DPP10: variants seen among roughly 807,000 people sequenced by gnomAD.
DPP10 encodes inactive dipeptidyl peptidase 10.
DPP10 carries 33 observed loss-of-function variants against 120.9 expected under a neutral mutation model. That is an observed-to-expected ratio of 0.27 (90% CI 0.21 to 0.37). The LOEUF is 0.37. DPP10 is among the 10% of genes least tolerant of loss of function. DPP10 has a pLI of 1.00. For synonymous variants in DPP10, 337 were observed against 326.1 expected (o/e 1.03, Z -0.36); for missense variants, 816 against 942.8 (o/e 0.87, Z 1.76).
intron 1 of DPP10, among the ~76,000 whole-genome samples, chr2:114,577,413 G>A (rs1690141453): frequency 6.6e-6 from 1 of 152,152 alleles, no homozygotes; most frequent in African/African-American, 2.4e-5. Context: ...GCAGAGTGGA[G>A]GTGGCCAGTA....
intron 1 of DPP10, among the ~76,000 whole-genome samples, chr2:115,103,797 T>C (rs1027145526): frequency 3.9e-5 from 6 of 152,234 alleles, no homozygotes; most frequent in Middle Eastern, 3.2e-3. Flanking sequence ...AACCATTTAA[T>C]ATATGAATAA....
At chr2:114,754,835 G>A (rs1679580949) in intron 1 of DPP10, among the ~76,000 whole-genome samples, 1 of 151,986 alleles carries the variant, frequency 6.6e-6, no homozygotes, top group Non-Finnish European at 1.5e-5. Flanking sequence ...AACCTGCATG[G>A]GATTTTGAAA....
intron 1 of DPP10, among the ~76,000 whole-genome samples, chr2:114,703,015 G>A (rs920375042): frequency 2.6e-5 from 4 of 152,112 alleles, no homozygotes; most frequent in Non-Finnish European, 5.9e-5. Context: ...GGGAAGAAGG[G>A]GAGGGGATAT....
intron 5 of DPP10, among the ~76,000 whole-genome samples, chr2:115,605,376 T>C (rs1263634510): frequency 6.6e-6 from 1 of 152,140 alleles, no homozygotes; most frequent in African/African-American, 2.4e-5. Flanking sequence ...CACCCCAGGC[T>C]ATCTCTGTAA....
chr2:115,738,173 G>A (rs925770711), intron 8 of DPP10, among the ~76,000 whole-genome samples: 2 of 152,100 alleles, frequency 1.3e-5, no homozygotes, highest in African/African-American at 4.8e-5. Flanking sequence ...AAGAGCAAAT[G>A]GAGTTGAGCC....
chr2:115,809,254 G>A (rs1208392326), intron 19 of DPP10, among the ~76,000 whole-genome samples: 1 of 152,126 alleles, frequency 6.6e-6, no homozygotes, highest in Admixed American at 6.5e-5. Context: ...CCAATATGTG[G>A]ATCTATGTGT....
intron 1 of DPP10, among the ~76,000 whole-genome samples, chr2:115,101,639 A>C (rs1256266243): frequency 6.6e-6 from 1 of 152,244 alleles, no homozygotes; most frequent in Non-Finnish European, 1.5e-5. Context: ...AGTATTCTCA[A>C]GTGTGAAACA....
intron 1 of DPP10, among the ~76,000 whole-genome samples, chr2:114,635,817 T>A (rs945010839): frequency 2.6e-5 from 4 of 151,974 alleles, no homozygotes; most frequent in Non-Finnish European, 5.9e-5. Context: ...TTATTTAAAA[T>A]AGCAACAATA....
intron 1 of DPP10, among the ~76,000 whole-genome samples, chr2:114,565,124 G>A (rs1558886014): frequency 6.6e-6 from 1 of 152,126 alleles, no homozygotes; most frequent in Non-Finnish European, 1.5e-5. Context: ...ATGGCTGTGA[G>A]CCTCTGGTTC....
intron 1 of DPP10, among the ~76,000 whole-genome samples, chr2:114,732,765 T>G (rs1426254020): frequency 1.3e-5 from 2 of 152,216 alleles, no homozygotes; most frequent in Non-Finnish European, 2.9e-5. Flanking sequence ...GATAGTATAC[T>G]CTTACTATAT....
intron 3 of DPP10, among the ~76,000 whole-genome samples, chr2:115,391,249 T>A (rs1166823205): frequency 1.3e-5 from 2 of 152,152 alleles, no homozygotes; most frequent in Non-Finnish European, 2.9e-5. Flanking sequence ...GAATGATGAT[T>A]AACAACAGGA....
intron 1 of DPP10, among the ~76,000 whole-genome samples, chr2:114,971,631 C>T (rs1233790475): frequency 5.9e-5 from 9 of 151,734 alleles, no homozygotes; most frequent in African/African-American, 9.7e-5. Flanking sequence ...AGTAAAAGAG[C>T]GAAAGTAGAC....
At chr2:115,379,291 G>T (rs1426361777) in intron 3 of DPP10, among the ~76,000 whole-genome samples, 1 of 152,192 alleles carries the variant, frequency 6.6e-6, no homozygotes, top group Non-Finnish European at 1.5e-5. Flanking sequence ...GAGAGTGTAT[G>T]TGTCGAGGAA....
chr2:114,937,223 G>A (rs772079429), intron 1 of DPP10, among the ~76,000 whole-genome samples: 1 of 152,096 alleles, frequency 6.6e-6, no homozygotes, highest in Non-Finnish European at 1.5e-5. Flanking sequence ...ATGGTTTCAG[G>A]TCTTAGATTT....
At chr2:115,256,888 G>A (rs2059025203) in intron 1 of DPP10, among the ~76,000 whole-genome samples, 1 of 152,142 alleles carries the variant, frequency 6.6e-6, no homozygotes, top group Middle Eastern at 3.2e-3. Context: ...GCCACATCTT[G>A]TACACGTGGC....
At chr2:115,590,545 A>G (rs961424546) in intron 5 of DPP10, among the ~76,000 whole-genome samples, 1 of 152,074 alleles carries the variant, frequency 6.6e-6, no homozygotes, top group Non-Finnish European at 1.5e-5. Context: ...TATGTGCCAC[A>G]TTTTCTTAAT....
chr2:115,319,168 T>G (rs1465563631), intron 2 of DPP10, among the ~76,000 whole-genome samples: 1 of 152,146 alleles, frequency 6.6e-6, no homozygotes, highest in Non-Finnish European at 1.5e-5. Context: ...TCATTTGTTT[T>G]CCTCCCTTTT....
intron 1 of DPP10, among the ~76,000 whole-genome samples, chr2:114,929,971 A>G (rs1379468402): frequency 6.6e-6 from 1 of 152,196 alleles, no homozygotes; most frequent in East Asian, 1.9e-4. Flanking sequence ...GGCTTCAGCC[A>G]GTCCCTCCGT....
intron 1 of DPP10, among the ~76,000 whole-genome samples, chr2:114,636,554 A>G (rs528533979): frequency 6.6e-6 from 1 of 152,098 alleles, no homozygotes; most frequent in East Asian, 1.9e-4. Context: ...ACCTTGAGGA[A>G]CACTACAAAG....
Sources: gnomAD v4.1 joint callset for allele counts (sites outside exome capture counted in the v4.1 genomes callset) on GRCh38, gnomAD v4.1.1 for gene constraint, MANE v1.5 for transcripts, NCBI Gene and HGNC (gene_info 2026-07-23, HGNC 2026-07-21) for gene names.